Variants in MEF2C observed in about 807,000 individuals in gnomAD.
MEF2C encodes myocyte-specific enhancer factor 2C.
MEF2C carries 6 observed loss-of-function variants against 50.5 expected under a neutral mutation model. That is an observed-to-expected ratio of 0.12 (90% CI 0.07 to 0.23). MEF2C has a LOEUF of 0.23. Among genes scored for constraint, MEF2C ranks in the 10% least tolerant of loss-of-function variants. The pLI, the probability that MEF2C is intolerant of heterozygous loss-of-function variation, is 1.00. For synonymous variants in MEF2C, 183 were observed against 228.0 expected, an observed-to-expected ratio of 0.80 and a Z score of 1.78; for missense variants, 276 against 605.0, an observed-to-expected ratio of 0.46 and a Z score of 5.70.
chr5:88,897,295 C>A (rs772742221), intron 1 of MEF2C, among the ~76,000 whole-genome samples: 6 of 152,230 alleles, frequency 3.9e-5, no homozygotes, highest in Non-Finnish European at 8.8e-5. Flanking sequence ...ACAGTCTCAT[C>A]TCATCCTTAC....
rs57841792 is a variant in MEF2C at position 88,777,899 on chromosome 5, C to CTTTTTT, written c.259-16577_259-16572dup. On this transcript the variant is annotated intron_variant, in intron 3 of 10. Coordinates refer to ENST00000504921, the MANE Select transcript of MEF2C (RefSeq NM_002397.5). ...AGAAAGGGTGCTAAATTTTTCTTTT[C>CTTTTTT]TTTTTTTTTTTTTTTTTTTTTTTGA... Among the ~76,000 whole-genome samples, 92 of 77,304 alleles carry CTTTTTT rather than the reference C, an allele frequency of 1.2e-3. 2 individuals carry two copies. Among genetic ancestry groups the CTTTTTT allele is most frequent in the African/African-American group, 1.7e-3 (33 of 18,936 alleles). 50.7% of individuals were successfully genotyped at this position (77,304 alleles called of 152,430 possible). A position where few individuals can be genotyped will look rare whatever the true frequency, so the allele number is the denominator to read the frequency against.
chr5:88,793,610 T>C (rs889419971), intron 3 of MEF2C, among the ~76,000 whole-genome samples: 2 of 152,174 alleles, frequency 1.3e-5, no homozygotes, highest in African/African-American at 4.8e-5. Flanking sequence ...TATCCTTGTA[T>C]AATATGTATC....
rs368340625 is a variant in MEF2C, at chr5:88,838,235, G to A, written c.-142-14305C>T. Among the ~76,000 whole-genome samples, 5 of 152,210 alleles carry A rather than the reference G, an allele frequency of 3.3e-5. No individual in the cohort carries two copies. In the East Asian group the frequency reaches 5.8e-4, roughly 18 times the overall value. On this transcript the variant is annotated intron_variant, in intron 1 of 10. Coordinates refer to ENST00000504921, the MANE Select transcript of MEF2C (RefSeq NM_002397.5). The stretch of plus-strand genomic sequence containing the variant: ...TCTACAAATTATTTTTAAAATGAGT[G>A]TTCTTCAACTCATCTCACATTTTCT...
intron 1 of MEF2C, among the ~76,000 whole-genome samples, chr5:88,881,598 G>A (rs2150098333): frequency 6.6e-6 from 1 of 152,250 alleles, no homozygotes; most frequent in Non-Finnish European, 1.5e-5. Context: ...GTTAAACGGG[G>A]TTCACAGGTG....
intron 2 of MEF2C, among the ~76,000 whole-genome samples, chr5:88,816,845 CATT>C (rs752564610): frequency 2.0e-5 from 3 of 151,714 alleles, no homozygotes; most frequent in African/African-American, 4.8e-5. Context: ...TCATCATCAT[CATT>C]ATTATGAGGT....
intron 6 of MEF2C, chr5:88,741,964 C>T (rs115027961): frequency 0.011 from 11,237 of 984,794 alleles, 67 homozygotes; most frequent in Middle Eastern, 0.019. Flanking sequence ...AGCTAATGAT[C>T]TTTCAAATAT....
At chr5:88,792,851 T>C (rs1164184594) in intron 3 of MEF2C, among the ~76,000 whole-genome samples, 1 of 152,234 alleles carries the variant, frequency 6.6e-6, no homozygotes, top group Non-Finnish European at 1.5e-5. Flanking sequence ...ATTTAATGAA[T>C]TGTTTCATTG....
intron 6 of MEF2C, chr5:88,733,864 T>C (rs1335453637): frequency 8.1e-6 from 8 of 985,374 alleles, no homozygotes; most frequent in Middle Eastern, 1.0e-3. Context: ...TGGTTGAATC[T>C]GAATATCAAT....
chr5:88,739,815 A>G lies in MEF2C; in HGVS notation c.638-7914T>C, dbSNP rs1467065531. 8.1e-6 allele frequency: 8 copies of G among 985,254 alleles called. No individual in the cohort carries two copies. In the African/African-American group the frequency reaches 1.2e-4, roughly 15 times the overall value. 61.0% of individuals were successfully genotyped at this position (985,254 alleles called of 1,614,324 possible). On this transcript the variant is annotated intron_variant, in intron 6 of 10. Coordinates refer to ENST00000504921, the MANE Select transcript of MEF2C (RefSeq NM_002397.5). The stretch of plus-strand genomic sequence containing the variant: ...ACCACAAAACATTCAGGGGTCAGAA[A>G]TCTGGGTATGATGAAAATTTCAATA...
chr5:88,739,027 C>T (rs967218578), intron 6 of MEF2C: 25 of 980,918 alleles, frequency 2.5e-5, no homozygotes, highest in East Asian at 1.1e-4. Flanking sequence ...AATCTTCTCC[C>T]CTGTAATATA....
chr5:88,875,924 T>G (rs1830912239), intron 1 of MEF2C, among the ~76,000 whole-genome samples: 1 of 151,962 alleles, frequency 6.6e-6, no homozygotes, highest in Admixed American at 6.6e-5. Context: ...CCCTGCATAT[T>G]CAGGAATAAA....
intron 1 of MEF2C, among the ~76,000 whole-genome samples, chr5:88,841,932 C>G (rs1817538514): frequency 6.6e-6 from 1 of 152,162 alleles, no homozygotes; most frequent in Non-Finnish European, 1.5e-5. Context: ...TAAAAATCAT[C>G]TTTTAATTTT....
chr5:88,759,403 AC>A (rs1176491661), intron 4 of MEF2C, among the ~76,000 whole-genome samples: 1 of 152,152 alleles, frequency 6.6e-6, no homozygotes. Flanking sequence ...AATTGCTTGA[AC>A]CCGGGAAGCA....
At chr5:88,843,321 T>C (rs564990515) in intron 1 of MEF2C, 27 of 984,580 alleles carry the variant, frequency 2.7e-5, no homozygotes, top group Admixed American at 6.2e-5. Flanking sequence ...ACGTAAAATA[T>C]TGTTTGTGTG....
At chr5:88,767,412 G>GAA (rs10661710) in intron 3 of MEF2C, among the ~76,000 whole-genome samples, 72,521 of 151,740 alleles carry the variant, frequency 0.48, 18,590 homozygotes, top group East Asian at 0.59. Context: ...TTCTAGAAAT[G>GAA]AAGACACATT....
At chr5:88,736,582 C>CCAGGCCTTAAGAGGAGTTT in intron 6 of MEF2C, 1 of 964,404 alleles carries the variant, frequency 1.0e-6, no homozygotes, top group Non-Finnish European at 1.2e-6. Flanking sequence ...GGGTTCTTCA[C>CCAGGCCTTAAGAGGAGTTT]CAGGCCTTAA....
chr5:88,764,995 C>T (rs1779433045), intron 3 of MEF2C, among the ~76,000 whole-genome samples: 1 of 152,010 alleles, frequency 6.6e-6, no homozygotes, highest in Non-Finnish European at 1.5e-5. Flanking sequence ...AGGTCAGTGG[C>T]TCACTTTGTA....
At chr5:88,827,740 T>C (rs1811473136) in intron 1 of MEF2C, among the ~76,000 whole-genome samples, 2 of 151,888 alleles carry the variant, frequency 1.3e-5, no homozygotes, top group African/African-American at 4.8e-5. Context: ...TCGTACACAG[T>C]TAATGCAGTC....
intron 1 of MEF2C, chr5:88,877,801 T>C (rs958563466): frequency 1.3e-4 from 20 of 152,042 alleles, no homozygotes; most frequent in African/African-American, 3.4e-4. Context: ...AAAACTTTCA[T>C]AGACTTTTTT....
Sources: gnomAD v4.1 joint callset for allele counts (sites outside exome capture counted in the v4.1 genomes callset) on GRCh38, gnomAD v4.1.1 for gene constraint, MANE v1.5 for transcripts, NCBI Gene and HGNC (gene_info 2026-07-23, HGNC 2026-07-21) for gene names.